Variants in ARHGEF1 observed in about 807,000 individuals in gnomAD.
ARHGEF1 encodes 115 kDa guanine nucleotide exchange factor.
Under a neutral mutation model 119.7 loss-of-function variants are expected in ARHGEF1, and 40 were observed. The ratio of observed to expected loss-of-function variants is 0.33; its 90% CI spans 0.26 to 0.44. The LOEUF (loss-of-function observed/expected upper bound fraction) is 0.44. ARHGEF1 is among the 20% of genes least tolerant of loss of function. ARHGEF1 has a pLI of 1.00. For missense variants in ARHGEF1, 976 were observed against 1,268.3 expected (o/e 0.77, Z 3.50); for synonymous variants, 494 against 521.0 (o/e 0.95, Z 0.71).
intron 1 of ARHGEF1, chr19:41,928,505 TCTC>T (rs1471602250): frequency 2.6e-5 from 4 of 154,316 alleles, no homozygotes; most frequent in East Asian, 3.9e-4. Context: ...TCCTCCTCGT[TCTC>T]CTCCTCCTCC....
chr19:41,910,184 A>G, downstream of ARHGEF1: 1 of 1,293,796 alleles, frequency 7.7e-7, no homozygotes, highest in South Asian at 1.5e-5. The surrounding 1 kb of genome is among the most constrained non-coding windows in gnomAD (Gnocchi z 4.4). Flanking sequence ...CCTGGGAGGC[A>G]TGTAGTTCTC....
At chr19:41,908,735 G>A (rs969842893), downstream of ARHGEF1, 4 of 930,102 alleles carry the variant, frequency 4.3e-6, no homozygotes, top group Non-Finnish European at 4.2e-6. The surrounding 1 kb of genome is among the most constrained non-coding windows in gnomAD (Gnocchi z 6.7). Context: ...ACCAGTAAAG[G>A]GGGCTGCCTC....
Position 41,906,243 on chromosome 19 carries a change from A to C in ARHGEF1, c.2492-214A>C. The C allele has an allele frequency of 1.5e-6, 1 of 659,532 alleles. No homozygotes were observed. The highest frequency in any genetic ancestry group is 2.6e-6 in the Non-Finnish European group (1 of 382,066). The allele number at this position is 659,532 out of a possible 1,614,324, so 40.9% of individuals were successfully genotyped here. A position where few individuals can be genotyped will look rare whatever the true frequency, so the allele number is the denominator to read the frequency against. On this transcript the variant is annotated intron_variant, in intron 26 of 28. Coordinates refer to ENST00000354532, the MANE Select transcript of ARHGEF1 (RefSeq NM_004706.4). The surrounding 1 kb of genome is among the most constrained non-coding windows in gnomAD (Gnocchi z 4.5). The stretch of plus-strand genomic sequence containing the variant: ...TTCTATATTTAGCCTCTTCCTGAAC[A>C]CATCTCTGTCTTCAGTACCTTCCTG...
chr19:41,888,782 A>G lies in ARHGEF1; in HGVS notation c.142A>G (p.Ser48Gly). 2.5e-6 allele frequency: 4 copies of G among 1,614,152 alleles called. No homozygotes were observed. The highest frequency in any genetic ancestry group is 3.4e-6 in the Non-Finnish European group (4 of 1,180,018). Residue 48 changes from serine to glycine, a missense_variant, in exon 4 of 29, where the codon AGC (serine) becomes GGC (glycine). This residue lies in a region of ARHGEF1 where 519 missense variants were observed against 580.9 expected (regional missense o/e 0.89). Coordinates refer to ENST00000354532, the MANE Select transcript of ARHGEF1 (RefSeq NM_004706.4). This position sits in a 1 kb window ranked among gnomAD's most constrained non-coding sequence, Gnocchi z 5.1. ...AGAAGAGCAAAACAGCCAGTTCCAG[A>G]GCCTGGAGCAGGTGAAGCGGCGCCC... ...NSEEQNSQFQ[S>G]LEQVKRRPAH...
Position 41,888,856 on chromosome 19 carries a change from A to G in ARHGEF1, c.216A>G (p.Pro72=), listed in dbSNP as rs535083562. The G allele has an allele frequency of 2.6e-4, 420 of 1,603,818 alleles. 1 individual carries two copies. Among genetic ancestry groups the G allele is most frequent in the East Asian group, 2.6e-3 (115 of 44,208 alleles). ...LLQHVALQFE[P]GPLLCCLHAD... is the part of the protein sequence containing the mutation. Reference sequence around the variant, plus strand: ...AGCACGTGGCCCTGCAGTTTGAGCCAGGACCCCTGGTGAGGGCAGGGCTGG... The same window carrying G: ...AGCACGTGGCCCTGCAGTTTGAGCCGGGACCCCTGGTGAGGGCAGGGCTGG... The change falls in exon 4 of 29, where the codon CCA becomes CCG. Residue 72 remains proline, a synonymous_variant. Coordinates refer to ENST00000354532, the MANE Select transcript of ARHGEF1 (RefSeq NM_004706.4). This position sits in a 1 kb window ranked among gnomAD's most constrained non-coding sequence, Gnocchi z 5.1.
At chr19:41,926,680 TGCGGAGCGCGTCTGGGCC>T (rs1200037989) in intron 1 of ARHGEF1, among the ~76,000 whole-genome samples, 3 of 149,840 alleles carry the variant, frequency 2.0e-5, no homozygotes, top group African/African-American at 7.3e-5. Context: ...TGCTTGGCGA[TGCGGAGCGCGTCTGGGCC>T]GCGGCGGCCG....
rs963731491 is a variant in ARHGEF1, at chr19:41,916,447, A to C, written c.1866-6645A>C. On this transcript the variant is annotated intron_variant, in intron 18 of 20. Transcript: ENST00000599589. The surrounding 1 kb of genome is among the most constrained non-coding windows in gnomAD (Gnocchi z 5.4). Reference sequence around the variant, plus strand: ...CACACACACATCAGCATAGTCACAGATGCACAGAAACAGACACACAGTTTT... The same window carrying C: ...CACACACACATCAGCATAGTCACAGCTGCACAGAAACAGACACACAGTTTT... Among the ~76,000 whole-genome samples, 1 of 152,108 alleles carries C rather than the reference A, an allele frequency of 6.6e-6. No individual in the cohort carries two copies. Among genetic ancestry groups the C allele is most frequent in the Admixed American group, 6.5e-5 (1 of 15,280 alleles).
chr19:41,906,385 T>C lies in ARHGEF1; in HGVS notation c.2492-72T>C, dbSNP rs1348637812. On this transcript the variant is annotated intron_variant, in intron 26 of 28. Transcript: ENST00000354532. This position sits in a 1 kb window ranked among gnomAD's most constrained non-coding sequence, Gnocchi z 4.5. ...ACCTCCAGCCCCTACACATCCCCTT[T>C]GGAATCCCCCATCCCAGATCCCAGC... 6.9e-7 allele frequency: 1 copy of C among 1,456,466 alleles called. No individual in the cohort carries two copies. Among genetic ancestry groups the C allele is most frequent in the Non-Finnish European group, 9.2e-7 (1 of 1,087,636 alleles). The allele number at this position is 1,456,466 out of a possible 1,614,324, so 90.2% of individuals were successfully genotyped here.
At chr19:41,895,608 C>A in intron 12 of ARHGEF1, 122 bp downstream of exon 12, 1 of 1,079,158 alleles carries the variant, frequency 9.3e-7, no homozygotes, top group Non-Finnish European at 1.3e-6. Flanking sequence ...TTGCTCTCAG[C>A]ATCCACTTCT....
intron 1 of ARHGEF1, among the ~76,000 whole-genome samples, chr19:41,926,698 C>T (rs910383865): frequency 4.6e-5 from 7 of 150,832 alleles, no homozygotes; most frequent in Non-Finnish European, 7.4e-5. Flanking sequence ...GCGTCTGGGC[C>T]GCGGCGGCCG....
In ARHGEF1 at chr19:41,898,693, G is replaced by C. The variant is rs540242101; in HGVS notation, c.1267+106G>C. The C allele has an allele frequency of 5.1e-4, 712 of 1,396,086 alleles. 6 individuals carry two copies. In the South Asian group the frequency reaches 0.01, roughly 20 times the overall value. The allele number at this position is 1,396,086 out of a possible 1,614,324, so 86.5% of individuals were successfully genotyped here. ...GTTCATCTTGGTGTCATTTACCATC[G>C]GGAGAACTTGAAGGCAGCTTCAAAT... is the stretch of plus-strand genomic sequence containing the variant. On this transcript the variant is annotated intron_variant, in intron 14 of 28. Coordinates refer to ENST00000354532, the MANE Select transcript of ARHGEF1 (RefSeq NM_004706.4).
chr19:41,928,190 C>T (rs1270498410), intron 1 of ARHGEF1: 1 of 151,812 alleles, frequency 6.6e-6, no homozygotes, highest in Non-Finnish European at 1.5e-5. Flanking sequence ...AGGCAGAGAC[C>T]CAGAGGACGA....
rs961162105 is a variant in ARHGEF1, at chr19:41,888,714, C to T, written c.112-38C>T. 4.4e-6 allele frequency: 7 copies of T among 1,589,708 alleles called. No individual in the cohort carries two copies. The highest frequency in any genetic ancestry group is 4.5e-5 in the East Asian group (2 of 44,590). On this transcript the variant is annotated intron_variant, in intron 3 of 28. Coordinates refer to ENST00000354532, the MANE Select transcript of ARHGEF1 (RefSeq NM_004706.4). This position sits in a 1 kb window ranked among gnomAD's most constrained non-coding sequence, Gnocchi z 5.1. The stretch of plus-strand genomic sequence containing the variant: ...TAGGGTCAACCCTAAGGCCCCTCCT[C>T]TTCTCCCCATTGTACTCACCCCTTC...
Position 41,906,005 on chromosome 19 carries a change from C to T in ARHGEF1, c.2471C>T (p.Ala824Val), listed in dbSNP as rs1555850105. 1.2e-6 allele frequency: 2 copies of T among 1,614,078 alleles called. No homozygotes were observed. Among genetic ancestry groups the T allele is most frequent in the Non-Finnish European group, 1.7e-6 (2 of 1,180,008 alleles). ...FCRPGPEGQLAATALRKVLSL... is the reference protein window; with the variant it reads ...FCRPGPEGQLVATALRKVLSL... ...AGACCAGGCCCCGAGGGCCAGCTCG[C>T]TGCCACGGCCCTTCGGAAAGGTAGC... Residue 824 changes from alanine (A) to valine (V), a missense_variant, in exon 26 of 29, where the codon GCT (alanine) becomes GTT (valine). By Grantham distance (64) the Ala-to-Val change is moderately conservative. Around this residue, in one of 3 missense-constraint regions of ARHGEF1, gnomAD observed 171 missense variants for 180.6 expected, o/e 0.95. Coordinates refer to ENST00000354532, the MANE Select transcript of ARHGEF1 (RefSeq NM_004706.4). This position sits in a 1 kb window ranked among gnomAD's most constrained non-coding sequence, Gnocchi z 4.5.
upstream of ARHGEF1, among the ~76,000 whole-genome samples, chr19:41,922,462 A>T (rs1413127729): frequency 1.3e-5 from 2 of 152,192 alleles, no homozygotes; most frequent in Admixed American, 6.5e-5. Context: ...GGGACAGGGA[A>T]TCGGATGACA....
intron 13 of ARHGEF1, 150 bp downstream of exon 13, chr19:41,896,632 C>T: frequency 1.4e-6 from 1 of 723,114 alleles, no homozygotes; most frequent in African/African-American, 1.7e-5. Context: ...CATTCCTCTC[C>T]CTTCTTCTTT....
upstream of ARHGEF1, among the ~76,000 whole-genome samples, chr19:41,919,757 C>G (rs1599678305): frequency 1.3e-5 from 2 of 150,776 alleles, no homozygotes; most frequent in Middle Eastern, 6.8e-3. Context: ...CCCTGTTTCT[C>G]TGGGACTGAG....
Position 41,924,729 on chromosome 19 carries a change from C to T in ARHGEF1, c.140+1496C>T, listed in dbSNP as rs887792686. ...AGGTGTGGGGGTGGCTGGGAACAGG[C>T]GACACATGTGTCTAACACATGCTAC... On this transcript the variant is annotated intron_variant, in intron 1 of 2. Coordinates refer to the ARHGEF1 transcript ENST00000594417. 4.6e-5 allele frequency among the ~76,000 whole-genome samples: 7 copies of T among 152,012 alleles called. 1 individual carries two copies. The South Asian group carries it at 1.0e-3, about 23-fold the overall frequency.
chr19:41,925,252 G>A (rs2074864597), intron 1 of ARHGEF1, among the ~76,000 whole-genome samples: 1 of 152,156 alleles, frequency 6.6e-6, no homozygotes, highest in African/African-American at 2.4e-5. Context: ...GTGAGGAATG[G>A]CAGGTGCAGG....
Sources: allele counts gnomAD v4.1 joint callset (sites outside exome capture counted in the v4.1 genomes callset), GRCh38; gene constraint gnomAD v4.1.1; regional missense constraint gnomAD v4.1.1; non-coding constraint Gnocchi (gnomAD v3.1); transcripts MANE v1.5; gene names NCBI Gene and HGNC (gene_info 2026-07-23, HGNC 2026-07-21).